The following RANBP17 variants were observed in gnomAD, a reference collection of about 807,000 sequenced individuals.
RANBP17 encodes ran-binding protein 17.
RANBP17 carries 158 observed loss-of-function variants against 141.2 expected under a neutral mutation model. That is an observed-to-expected ratio of 1.12 (90% CI 0.98 to 1.28). RANBP17 has a LOEUF of 1.28. Among genes scored for constraint, RANBP17 ranks in the 50% most tolerant of loss-of-function variants. The pLI is 0.00. For missense variants in RANBP17, 1,438 were observed against 1,290.7 expected, an observed-to-expected ratio of 1.11 and a Z score of -1.75; for synonymous variants, 430 against 450.0, an observed-to-expected ratio of 0.96 and a Z score of 0.56.
chr5:171,186,560 G>A (rs1242675116), intron 18 of RANBP17, among the ~76,000 whole-genome samples: 2 of 22,034 alleles, frequency 9.1e-5, no homozygotes, highest in Non-Finnish European at 1.2e-4. Flanking sequence ...TTTTTGAGAC[G>A]GAGTCTCGCT....
At chr5:171,139,785 A>G (rs909207101) in intron 14 of RANBP17, among the ~76,000 whole-genome samples, 2 of 152,166 alleles carry the variant, frequency 1.3e-5, no homozygotes, top group Admixed American at 6.5e-5. Flanking sequence ...GTACAATTGT[A>G]GCCAGGGTAG....
At chr5:171,205,430 A>G in intron 19 of RANBP17, 94 bp from the exon 20 acceptor site, 1 of 1,008,854 alleles carries the variant, frequency 9.9e-7, no homozygotes, top group Non-Finnish European at 1.5e-6. Flanking sequence ...CTAATGAATC[A>G]AAATCAGATA....
intron 13 of RANBP17, among the ~76,000 whole-genome samples, chr5:170,959,105 TGAGTGCTA>T (rs1775949176): frequency 6.6e-6 from 1 of 152,224 alleles, no homozygotes; most frequent in South Asian, 2.1e-4. Flanking sequence ...GCTAGTAGAT[TGAGTGCTA>T]GCTTCTTTCA....
intron 4 of RANBP17, among the ~76,000 whole-genome samples, chr5:170,893,704 A>G (rs1238110914): frequency 6.6e-6 from 1 of 152,004 alleles, no homozygotes; most frequent in African/African-American, 2.4e-5. Flanking sequence ...GAGGCAGGAG[A>G]ATGGCGTGAA....
At chr5:171,067,311 AT>A (rs1784367826) in intron 14 of RANBP17, among the ~76,000 whole-genome samples, 1 of 152,096 alleles carries the variant, frequency 6.6e-6, no homozygotes, top group Non-Finnish European at 1.5e-5. Flanking sequence ...TTGCATTATT[AT>A]TATTGCCACA....
At chr5:171,167,751 C>T (rs531103514) in intron 14 of RANBP17, among the ~76,000 whole-genome samples, 14 of 152,220 alleles carry the variant, frequency 9.2e-5, no homozygotes, top group African/African-American at 3.1e-4. Flanking sequence ...GGTGTCTGAT[C>T]CCTACTGTTA....
rs1477787225 is a variant in RANBP17, at chr5:170,955,567, ATGCTCAGTCTGTGTG to A, written c.1574+1867_1574+1881del. Among the ~76,000 whole-genome samples, 302 of 68,718 alleles carry A rather than the reference ATGCTCAGTCTGTGTG, an allele frequency of 4.4e-3. 10 individuals carry two copies. The highest frequency in any genetic ancestry group is 0.014 in the African/African-American group (287 of 21,116). 45.1% of individuals were successfully genotyped at this position (68,718 alleles called of 152,430 possible). A position where few individuals can be genotyped will look rare whatever the true frequency, so the allele number is the denominator to read the frequency against. ...ATGCTCAGTCTGTGTATATATATATATGCTCAGTCTGTGTGTATATATATATATATATATATATAT... is the reference window on the plus strand; with the variant it reads ...ATGCTCAGTCTGTGTATATATATATATATATATATATATATATATATATAT... On this transcript the variant is annotated intron_variant, in intron 13 of 27. Transcript: ENST00000523189.
Position 171,084,018 on chromosome 5 carries a change from A to G in RANBP17, c.1711-86112A>G, listed in dbSNP as rs559763580. 2.0e-5 allele frequency among the ~76,000 whole-genome samples: 3 copies of G among 148,896 alleles called. No homozygotes were observed. In the East Asian group the frequency reaches 6.1e-4, roughly 30 times the overall value. On this transcript the variant is annotated intron_variant, in intron 14 of 27. Coordinates refer to ENST00000523189, the MANE Select transcript of RANBP17 (RefSeq NM_022897.5). ...GGTACATGTGCACATTGTGCAGGTT[A>G]GTTACATATGTATACATGTGCCATG... is the stretch of plus-strand genomic sequence containing the variant.
At chr5:171,021,042 G>T (rs900848673) in intron 14 of RANBP17, among the ~76,000 whole-genome samples, 2 of 152,116 alleles carry the variant, frequency 1.3e-5, no homozygotes, top group Admixed American at 1.3e-4. Context: ...AGCTTAGTTT[G>T]GCTGGATATG....
At chr5:171,241,247 T>A in intron 23 of RANBP17, 105 bp downstream of exon 23, 1 of 856,646 alleles carries the variant, frequency 1.2e-6, no homozygotes, top group Non-Finnish European at 1.8e-6. Context: ...CTAGAACATT[T>A]TATGTTTTAA....
intron 14 of RANBP17, among the ~76,000 whole-genome samples, chr5:171,002,460 G>C (rs1017398793): frequency 6.6e-6 from 1 of 152,090 alleles, no homozygotes; most frequent in Middle Eastern, 3.2e-3. Flanking sequence ...GAAGTAAAGC[G>C]GCCTTGAGAA....
chr5:171,190,427 A>G (rs1761548814), intron 18 of RANBP17, among the ~76,000 whole-genome samples: 1 of 152,250 alleles, frequency 6.6e-6, no homozygotes, highest in African/African-American at 2.4e-5. Context: ...AAAGCATTTC[A>G]TCATTAGAAT....
At chr5:171,128,474 G>A (rs956101551) in intron 14 of RANBP17, among the ~76,000 whole-genome samples, 2 of 152,128 alleles carry the variant, frequency 1.3e-5, no homozygotes, top group Non-Finnish European at 2.9e-5. Context: ...ATCTCATGGA[G>A]ATCTAAAGTA....
In RANBP17 at chr5:171,299,355, T is replaced by TTTTTAA; in HGVS notation, c.*497_*498insTTTTAA. 4.3e-6 allele frequency: 1 copy of TTTTTAA among 233,150 alleles called. No homozygotes were observed. The highest frequency in any genetic ancestry group is 8.5e-6 in the Non-Finnish European group (1 of 117,742). The allele number at this position is 233,150 out of a possible 1,614,324, so 14.4% of individuals were successfully genotyped here. A position where few individuals can be genotyped will look rare whatever the true frequency, so the allele number is the denominator to read the frequency against. ...GGGCTGTGAGCATTTAGAACGAGCC[T>TTTTTAA]GGAAGCACTACAGAGCATCCCACAG... On this transcript the variant is annotated 3_prime_UTR_variant, in exon 28 of 28. Transcript: ENST00000523189.
At chr5:171,121,529 C>A (rs1469743806) in intron 14 of RANBP17, among the ~76,000 whole-genome samples, 1 of 152,192 alleles carries the variant, frequency 6.6e-6, no homozygotes, top group East Asian at 1.9e-4. Context: ...TTCTGCTGGC[C>A]CAGTAGCATG....
At chr5:170,863,981 G>A (rs779830262) in intron 1 of RANBP17, among the ~76,000 whole-genome samples, 27 of 152,152 alleles carry the variant, frequency 1.8e-4, no homozygotes, top group Non-Finnish European at 3.7e-4. Flanking sequence ...TTAGCATATA[G>A]GATCATATTG....
At chr5:170,892,585 C>T in intron 4 of RANBP17, 32 bp downstream of exon 4, 1 of 1,581,724 alleles carries the variant, frequency 6.3e-7, no homozygotes, top group Admixed American at 1.8e-5. Context: ...GTTAGAACAT[C>T]ACTACTTGCT....
At chr5:171,187,081 G>A (rs1334177928) in intron 18 of RANBP17, among the ~76,000 whole-genome samples, 1 of 152,060 alleles carries the variant, frequency 6.6e-6, no homozygotes, top group Non-Finnish European at 1.5e-5. Context: ...ATACTTGGAG[G>A]CCATCACAGG....
chr5:171,197,691 A>G (rs751294600), intron 18 of RANBP17, among the ~76,000 whole-genome samples: 9 of 152,296 alleles, frequency 5.9e-5, no homozygotes, highest in South Asian at 2.1e-4. Flanking sequence ...TATTGTTGCT[A>G]TTATTAGATG....
Sources: gnomAD v4.1 joint callset for allele counts (sites outside exome capture counted in the v4.1 genomes callset) on GRCh38, gnomAD v4.1.1 for gene constraint, MANE v1.5 for transcripts, NCBI Gene and HGNC (gene_info 2026-07-23, HGNC 2026-07-21) for gene names.